The following PAX5 variants were observed in gnomAD, a reference collection of about 807,000 sequenced individuals.
PAX5 encodes paired box protein Pax-5.
In PAX5, 9 loss-of-function variants were observed where a neutral mutation model predicts 43.7. The ratio of observed to expected loss-of-function variants is 0.21; its 90% CI spans 0.12 to 0.36. PAX5 has a LOEUF of 0.36. Ranked by LOEUF, PAX5 falls within the 10% of genes least tolerant of loss-of-function variation. PAX5 has a pLI of 1.00. For synonymous variants in PAX5, 228 were observed against 214.3 expected (o/e 1.06, Z -0.56); for missense variants, 383 against 532.7 (o/e 0.72, Z 2.77).
intron 1 of PAX5, among the ~76,000 whole-genome samples, chr9:37,030,737 C>T (rs1157188164): frequency 1.3e-5 from 2 of 152,242 alleles, no homozygotes; most frequent in African/African-American, 4.8e-5. Context: ...GACACACCCC[C>T]TCCCGGCTTC....
At chr9:36,971,013 G>GA (rs1349492408) in intron 5 of PAX5, among the ~76,000 whole-genome samples, 27 of 152,294 alleles carry the variant, frequency 1.8e-4, no homozygotes, top group African/African-American at 6.3e-4. Flanking sequence ...CCATCACTCT[G>GA]CATGTCTGTC....
chr9:36,962,083 T>C (rs1834024967), intron 6 of PAX5, among the ~76,000 whole-genome samples: 2 of 151,936 alleles, frequency 1.3e-5, no homozygotes, highest in Non-Finnish European at 2.9e-5. Context: ...AAGCTGCAAG[T>C]GGGGCAGGCT....
At chr9:36,990,902 G>T (rs1405239553) in intron 5 of PAX5, among the ~76,000 whole-genome samples, 2 of 152,218 alleles carry the variant, frequency 1.3e-5, no homozygotes, top group African/African-American at 4.8e-5. Context: ...TTGAGCTCAT[G>T]AGTTTGAGAC....
At chr9:37,031,920 G>A (rs916144465) in intron 1 of PAX5, among the ~76,000 whole-genome samples, 1 of 152,244 alleles carries the variant, frequency 6.6e-6, no homozygotes, top group Admixed American at 6.5e-5. Flanking sequence ...GTTGGGAGAA[G>A]GAAGAAGCTC....
intron 3 of PAX5, among the ~76,000 whole-genome samples, chr9:37,009,863 T>A (rs559426642): frequency 7.2e-5 from 11 of 152,160 alleles, no homozygotes; most frequent in African/African-American, 2.7e-4. Flanking sequence ...AAAGCACAAG[T>A]GGCCCCCTTG....
intron 6 of PAX5, chr9:36,930,763 G>T: frequency 9.7e-7 from 1 of 1,034,454 alleles, no homozygotes; most frequent in Non-Finnish European, 1.3e-6. Context: ...TGAGGGGTAA[G>T]GAGAGGGACA....
chr9:37,012,335 C>G (rs1025323083), intron 3 of PAX5, among the ~76,000 whole-genome samples: 8 of 152,192 alleles, frequency 5.3e-5, no homozygotes, highest in African/African-American at 1.9e-4. Flanking sequence ...GGGTTCTACC[C>G]CCATGTCTAT....
At chr9:36,861,519 T>C (rs1242708497) in intron 8 of PAX5, 1 of 145,752 alleles carries the variant, frequency 6.9e-6, no homozygotes, top group African/African-American at 2.6e-5. Flanking sequence ...TGGGAGGAGG[T>C]GGAATTTTAG....
intron 7 of PAX5, among the ~76,000 whole-genome samples, chr9:36,907,108 G>A (rs1358274704): frequency 6.6e-6 from 1 of 152,130 alleles, no homozygotes; most frequent in Non-Finnish European, 1.5e-5. Flanking sequence ...GGACCGTAGA[G>A]GAGTTAGGAG....
chr9:36,966,743 A>G lies in PAX5; in HGVS notation c.605-19T>C, dbSNP rs2132195570. 1 of 1,610,772 alleles carries G rather than the reference A, an allele frequency of 6.2e-7. No homozygotes were observed. The highest frequency in any genetic ancestry group is 1.7e-4 in the Middle Eastern group (1 of 6,054). ...TGAATACCTTTGATGAGCAGGAGAG[A>G]GGAAGGGTGAGTGGAGGTTATACAC... is the stretch of plus-strand genomic sequence containing the variant. On this transcript the variant is annotated intron_variant, in intron 5 of 9. Transcript: ENST00000358127.
intron 6 of PAX5, among the ~76,000 whole-genome samples, chr9:36,964,417 C>T (rs532676040): frequency 1.4e-3 from 207 of 151,772 alleles, no homozygotes; most frequent in African/African-American, 4.7e-3. Context: ...TGGTGAAACC[C>T]CATCTCTACT....
intron 6 of PAX5, among the ~76,000 whole-genome samples, chr9:36,944,320 A>AT (rs1246609328): frequency 4.6e-5 from 7 of 152,244 alleles, no homozygotes; most frequent in African/African-American, 1.7e-4. Context: ...GCAAGCACTC[A>AT]TTATCCCCAT....
chr9:36,999,656 G>A (rs1711889090), intron 5 of PAX5, among the ~76,000 whole-genome samples: 1 of 152,178 alleles, frequency 6.6e-6, no homozygotes, highest in Non-Finnish European at 1.5e-5. Context: ...GCTCTCCATT[G>A]CCTCTCTTAC....
chr9:37,030,960 T>C (rs1840924280), intron 1 of PAX5, among the ~76,000 whole-genome samples: 1 of 152,240 alleles, frequency 6.6e-6, no homozygotes, highest in Non-Finnish European at 1.5e-5. Context: ...CTCAACCCAC[T>C]GAGTTCTGTC....
intron 9 of PAX5, among the ~76,000 whole-genome samples, chr9:36,845,921 G>A (rs1563883254): frequency 6.6e-6 from 1 of 152,214 alleles, no homozygotes; most frequent in Non-Finnish European, 1.5e-5. Flanking sequence ...ATAAACCTGG[G>A]TGGTCTCAGA....
intron 9 of PAX5, among the ~76,000 whole-genome samples, chr9:36,845,110 G>T (rs1822436265): frequency 6.6e-6 from 1 of 152,196 alleles, no homozygotes; most frequent in Admixed American, 6.5e-5. Context: ...TGGCAGCCCT[G>T]GGCCACTATG....
At chr9:36,979,870 C>T (rs1244473944) in intron 5 of PAX5, among the ~76,000 whole-genome samples, 2 of 152,216 alleles carry the variant, frequency 1.3e-5, no homozygotes, top group Non-Finnish European at 2.9e-5. Context: ...AGCCTGTCTA[C>T]AGCTCCTTGT....
At position 37,000,432 on chromosome 9, in the gene PAX5, C is replaced by CAT. The variant is rs761272446; in HGVS notation, c.604+2214_604+2215dup. Among the ~76,000 whole-genome samples, 13 of 152,210 alleles carry CAT rather than the reference C, an allele frequency of 8.5e-5. No individual in the cohort carries two copies. In the East Asian group the frequency reaches 1.9e-3, roughly 23 times the overall value. On this transcript the variant is annotated intron_variant, in intron 5 of 9. Transcript: ENST00000358127. ...GTCTTCCTGAGGATCAGGACTCTAC[C>CAT]ATATATATCAGAACTGGAAAGATTT...
At chr9:36,980,309 G>A (rs1835802829) in intron 5 of PAX5, among the ~76,000 whole-genome samples, 1 of 152,226 alleles carries the variant, frequency 6.6e-6, no homozygotes, top group African/African-American at 2.4e-5. Flanking sequence ...GGCAGAGTCT[G>A]CAAACACACT....
Sources: allele counts gnomAD v4.1 joint callset (sites outside exome capture counted in the v4.1 genomes callset), GRCh38; gene constraint gnomAD v4.1.1; transcripts MANE v1.5; gene names NCBI Gene and HGNC (gene_info 2026-07-23, HGNC 2026-07-21).